Variants in NT5DC2 observed in about 807,000 individuals in gnomAD.
NT5DC2 encodes 5'-nucleotidase domain-containing protein 2.
NT5DC2 carries 41 observed loss-of-function variants against 70.0 expected under a neutral mutation model. The observed-to-expected ratio is 0.59, with a 90% CI of 0.46 to 0.76. The LOEUF is 0.76. Ranked by LOEUF, NT5DC2 falls within the 30% of genes least tolerant of loss-of-function variation. The pLI is 0.00. For synonymous variants in NT5DC2, 299 were observed against 310.4 expected, an observed-to-expected ratio of 0.96 and a Z score of 0.39; for missense variants, 705 against 783.2, an observed-to-expected ratio of 0.90 and a Z score of 1.19.
chr3:52,524,662 G>A lies in NT5DC2; in HGVS notation c.1482C>T (p.Tyr494=), dbSNP rs754489972. The change falls in exon 14 of 14, where the codon TAC becomes TAT. Residue 494 remains tyrosine (Y), a synonymous_variant. Transcript: ENST00000422318. ...AGAAGCGCACGAGGCGCCTTGAGAA[G>A]TAGGTGGGGTTGTGGAAGGTGCGGA... is the stretch of plus-strand genomic sequence containing the variant. ...SIFRTFHNPT[Y]FSRRLVRFSD... is the part of the protein sequence containing the mutation. The A allele has an allele frequency of 6.2e-7, 1 of 1,613,066 alleles. No homozygotes were observed. Among genetic ancestry groups the A allele is most frequent in the South Asian group, 1.1e-5 (1 of 91,092 alleles).
At position 52,527,940 on chromosome 3, in the gene NT5DC2, G is replaced by C. The variant is rs2079302591; in HGVS notation, c.833-9C>G. ...TCTCAGGATGTACTTCTCTAATGGG[G>C]CAGATGAGTCTGTGAGGGTCAGTCC... On this transcript the variant is annotated splice_polypyrimidine_tract_variant and intron_variant, in intron 7 of 13. Transcript: ENST00000422318. The C allele has an allele frequency of 1.9e-6, 3 of 1,613,544 alleles. No individual in the cohort carries two copies. The highest frequency in any genetic ancestry group is 2.5e-6 in the Non-Finnish European group (3 of 1,179,984).
In NT5DC2 at chr3:52,533,626, C is replaced by G; in HGVS notation, c.112G>C (p.Gly38Arg). Residue 38 changes from glycine (G) to arginine (R), a missense_variant, in exon 1 of 14, where the codon GGT (glycine) becomes CGT (arginine). By Grantham distance (125) the Gly-to-Arg change is moderately radical. Transcript: ENST00000422318. Reference sequence around the variant, plus strand: ...ACGCCGGGGCAGTGGGCGCCGGGACCCGGGGGGCCGCACCCAGGGCAGGAG... The same window carrying G: ...ACGCCGGGGCAGTGGGCGCCGGGACGCGGGGGGCCGCACCCAGGGCAGGAG... ...SPSCPGCGPP[G>R]PGAHCPGVPR... 1.6e-6 allele frequency: 2 copies of G among 1,222,310 alleles called. No individual in the cohort carries two copies. Among genetic ancestry groups the G allele is most frequent in the Admixed American group, 4.5e-5 (1 of 22,336 alleles). The allele number at this position is 1,222,310 out of a possible 1,614,324, so 75.7% of individuals were successfully genotyped here.
At chr3:52,534,589 A>G (rs569864078), upstream of NT5DC2, 1 of 1,613,872 alleles carries the variant, frequency 6.2e-7, no homozygotes, top group South Asian at 1.1e-5. Context: ...GGTCTTTTCT[A>G]GCAACGTCGA....
Position 52,532,494 on chromosome 3 carries a change from G to A in NT5DC2, c.232+1012C>T, listed in dbSNP as rs867989396. On this transcript the variant is annotated intron_variant, in intron 1 of 13. Coordinates refer to ENST00000422318, the MANE Select transcript of NT5DC2 (RefSeq NM_001134231.2). Reference sequence around the variant, plus strand: ...TTTACTGGTCAAGAAGTGATTCTCCGCCACCCCACAAAGCCGGAGTGAAAA... The same window carrying A: ...TTTACTGGTCAAGAAGTGATTCTCCACCACCCCACAAAGCCGGAGTGAAAA... The A allele has an allele frequency of 8.3e-5, 82 of 985,348 alleles. No homozygotes were observed. The Middle Eastern group carries it at 2.1e-3, about 25-fold the overall frequency. The allele number at this position is 985,348 out of a possible 1,614,324, so 61.0% of individuals were successfully genotyped here.
At position 52,525,209 on chromosome 3, in the gene NT5DC2, C is replaced by T. The variant is rs374033530; in HGVS notation, c.1206G>A (p.Ala402=). ...YFGDHLYSDL[A]DLMLRHGWRT... ...TGCAGCCCAGCCCTGCCTCCCTCAC[C>T]GCCAGATCACTATAGAGGTGGTCCC... is the stretch of plus-strand genomic sequence containing the variant. Residue 402 remains alanine (A), a splice_region_variant and synonymous_variant, in exon 11 of 14, where the codon GCG becomes GCA. Coordinates refer to ENST00000422318, the MANE Select transcript of NT5DC2 (RefSeq NM_001134231.2). The T allele has an allele frequency of 3.5e-5, 57 of 1,611,536 alleles. No individual in the cohort carries two copies. The highest frequency in any genetic ancestry group is 6.7e-5 in the Admixed American group (4 of 59,914).
At chr3:52,534,018 C>T, upstream of NT5DC2, 1 of 238,582 alleles carries the variant, frequency 4.2e-6, no homozygotes, top group Non-Finnish European at 7.1e-6. Flanking sequence ...CGCCCCCCTT[C>T]GGCCGTCACG....
chr3:52,524,392 A>G lies in NT5DC2; in HGVS notation c.*78T>C. On this transcript the variant is annotated 3_prime_UTR_variant, in exon 14 of 14. Transcript: ENST00000422318. ...GCTGAAAGCAGAAGCATGCACAGGG[A>G]GGAGACCACTTTTATTGCTTGTCTG... The G allele has an allele frequency of 2.5e-6, 4 of 1,613,076 alleles. No homozygotes were observed. Among genetic ancestry groups the G allele is most frequent in the Non-Finnish European group, 3.4e-6 (4 of 1,179,684 alleles).
Position 52,528,543 on chromosome 3 carries a change from A to T in NT5DC2, c.549-4T>A, listed in dbSNP as rs770262738. 5 of 1,542,238 alleles carry T rather than the reference A, an allele frequency of 3.2e-6. No homozygotes were observed. Among genetic ancestry groups the T allele is most frequent in the Non-Finnish European group, 3.5e-6 (4 of 1,138,474 alleles). On this transcript the variant is annotated splice_region_variant and splice_polypyrimidine_tract_variant and intron_variant, in intron 4 of 13. Coordinates refer to ENST00000422318, the MANE Select transcript of NT5DC2 (RefSeq NM_001134231.2). ...GTCTGGCACAGGCTGGAGGCCCCTG[A>T]GCAGGCCCAAGATACCATCAGTCCA...
chr3:52,524,455 A>G lies in NT5DC2; in HGVS notation c.*15T>C, dbSNP rs1369272235. The G allele has an allele frequency of 6.2e-7, 1 of 1,612,584 alleles. No individual in the cohort carries two copies. Among genetic ancestry groups the G allele is most frequent in the South Asian group, 1.1e-5 (1 of 91,084 alleles). On this transcript the variant is annotated 3_prime_UTR_variant, in exon 14 of 14. Coordinates refer to ENST00000422318, the MANE Select transcript of NT5DC2 (RefSeq NM_001134231.2). ...AGGAGGGGCTGAGGGCCTGTCCCAGACAATAAAGGTGCCCTCAGCGGATGT... is the reference window on the plus strand; with the variant it reads ...AGGAGGGGCTGAGGGCCTGTCCCAGGCAATAAAGGTGCCCTCAGCGGATGT...
At chr3:52,527,550 A>C in intron 9 of NT5DC2, 67 bp downstream of exon 9, 3 of 1,563,504 alleles carry the variant, frequency 1.9e-6, no homozygotes, top group Non-Finnish European at 1.7e-6. Context: ...CTCCTGCTTC[A>C]GTCCCCTCAT....
chr3:52,525,414 C>T (rs566374568), intron 10 of NT5DC2, 119 bp from the exon 11 acceptor site: 172 of 702,396 alleles, frequency 2.4e-4, no homozygotes, highest in Non-Finnish European at 4.0e-4. Flanking sequence ...TTTCCCATGG[C>T]CTTGCTGCTC....
Position 52,524,560 on chromosome 3 carries a change from C to T in NT5DC2, c.1584G>A (p.Pro528=), listed in dbSNP as rs374723543. 27 of 1,612,954 alleles carry T rather than the reference C, an allele frequency of 1.7e-5. No homozygotes were observed. Among genetic ancestry groups the T allele is most frequent in the Middle Eastern group, 1.6e-4 (1 of 6,084 alleles). ...TCCAGAGGGGTGCCTCGTGCTGCAG[C>T]GGCGTACGGCGTGGGTAGAAGGTGA... ...VDFTFYPRRT[P]LQHEAPLWMD... The change falls in exon 14 of 14, where the codon CCG becomes CCA. Residue 528 remains proline, a synonymous_variant. Coordinates refer to ENST00000422318, the MANE Select transcript of NT5DC2 (RefSeq NM_001134231.2).
rs1304003076 is a variant in NT5DC2, at chr3:52,524,879, G to A, written c.1350C>T (p.Thr450=). The change falls in exon 13 of 14, where the codon ACC becomes ACT. Residue 450 remains threonine (T), a splice_region_variant and synonymous_variant. Transcript: ENST00000422318. ...ALTGLLERMQ[T]YQDAESRQVL... Reference sequence around the variant, plus strand: ...CCTGCCTCGACTCCGCGTCCTGATAGGTCTGGGGACACAAAGTGTGCATTG... The same window carrying A: ...CCTGCCTCGACTCCGCGTCCTGATAAGTCTGGGGACACAAAGTGTGCATTG... 3 of 1,612,200 alleles carry A rather than the reference G, an allele frequency of 1.9e-6. No individual in the cohort carries two copies. The African/African-American group carries it at 4.0e-5, about 22-fold the overall frequency.
chr3:52,532,037 A>T, intron 1 of NT5DC2: 1 of 254,088 alleles, frequency 3.9e-6, no homozygotes. Flanking sequence ...ATGTCACCAC[A>T]CTGAGGCCAG....
chr3:52,524,839 T>A lies in NT5DC2; in HGVS notation c.1390A>T (p.Met464Leu). ...CACCTCAGCTCCTGCCGCTCTTTCA[T>A]CCAGGCAGCCAGCACCTGCCTCGAC... ...AESRQVLAAW[M>L]KERQELRCIT... The change falls in exon 13 of 14, where the codon ATG (methionine) becomes TTG (leucine). Residue 464 changes from methionine (M) to leucine (L), a missense_variant. By Grantham distance (15) the Met-to-Leu change is conservative. Coordinates refer to ENST00000422318, the MANE Select transcript of NT5DC2 (RefSeq NM_001134231.2). 6.2e-7 allele frequency: 1 copy of A among 1,612,616 alleles called. No homozygotes were observed. Among genetic ancestry groups the A allele is most frequent in the Admixed American group, 1.7e-5 (1 of 60,004 alleles).
At position 52,533,759 on chromosome 3, in the gene NT5DC2, G is replaced by A. The variant is rs2079392985; in HGVS notation, c.-22C>T. The A allele has an allele frequency of 3.3e-6, 3 of 911,290 alleles. No individual in the cohort carries two copies. Among genetic ancestry groups the A allele is most frequent in the Non-Finnish European group, 3.9e-6 (3 of 774,958 alleles). 56.5% of individuals were successfully genotyped at this position (911,290 alleles called of 1,614,324 possible). On this transcript the variant is annotated 5_prime_UTR_variant, in exon 1 of 14. Coordinates refer to ENST00000422318, the MANE Select transcript of NT5DC2 (RefSeq NM_001134231.2). ...CCATGCCCACCGCGCGCCGCCCGCC[G>A]CCCGCGCTGCCCTCGGCCAGCCCGC...
rs747113507 is a variant in NT5DC2, at chr3:52,528,535, G to A, written c.553C>T (p.Leu185Phe). 1 of 1,611,678 alleles carries A rather than the reference G, an allele frequency of 6.2e-7. No homozygotes were observed. Among genetic ancestry groups the A allele is most frequent in the South Asian group, 1.1e-5 (1 of 91,008 alleles). Residue 185 changes from leucine (L) to phenylalanine (F), a missense_variant, in exon 5 of 14, where the codon CTC (leucine) becomes TTC (phenylalanine). Coordinates refer to ENST00000422318, the MANE Select transcript of NT5DC2 (RefSeq NM_001134231.2). ...ACCTCCTCGTCTGGCACAGGCTGGA[G>A]GCCCCTGAGCAGGCCCAAGATACCA... Reference protein sequence around the residue: ...YVQLGTAYRGLQPVPDEEVIE... With the variant: ...YVQLGTAYRGFQPVPDEEVIE...
chr3:52,533,750 C>T lies in NT5DC2; in HGVS notation c.-13G>A. 1.0e-6 allele frequency: 1 copy of T among 974,184 alleles called. No individual in the cohort carries two copies. Among genetic ancestry groups the T allele is most frequent in the Non-Finnish European group, 1.2e-6 (1 of 824,010 alleles). The allele number at this position is 974,184 out of a possible 1,614,324, so 60.3% of individuals were successfully genotyped here. The stretch of plus-strand genomic sequence containing the variant: ...CCGCACCCGCCATGCCCACCGCGCG[C>T]CGCCCGCCGCCCGCGCTGCCCTCGG... On this transcript the variant is annotated 5_prime_UTR_variant, in exon 1 of 14. Transcript: ENST00000422318.
At chr3:52,527,216 G>T (rs1188146263) in intron 10 of NT5DC2, 78 bp downstream of exon 10, 3 of 1,342,774 alleles carry the variant, frequency 2.2e-6, no homozygotes, top group Non-Finnish European at 2.1e-6. Context: ...CTTCTTCAGA[G>T]GCTGCCTCTG....
Sources: allele counts gnomAD v4.1 joint callset, GRCh38; gene constraint gnomAD v4.1.1; transcripts MANE v1.5; gene names NCBI Gene and HGNC (gene_info 2026-07-23, HGNC 2026-07-21).